SCML4: variants seen among roughly 807,000 people sequenced by gnomAD.
SCML4 encodes the protein Scm polycomb group protein like 4.
A neutral mutation model predicts 41.1 loss-of-function variants in SCML4; 34 were observed. That is an observed-to-expected ratio of 0.83 (90% CI 0.63 to 1.10). The LOEUF is 1.10. Ranked by LOEUF, SCML4 falls within the 50% of genes least tolerant of loss-of-function variation. The pLI is 0.00. For synonymous variants in SCML4, 214 were observed against 220.9 expected, an observed-to-expected ratio of 0.97 and a Z score of 0.28; for missense variants, 522 against 534.1, an observed-to-expected ratio of 0.98 and a Z score of 0.22.
chr6:107,755,681 A>G (rs1229672126), intron 2 of SCML4: 5 of 1,110,352 alleles, frequency 4.5e-6, no homozygotes, highest in Admixed American at 2.9e-5. Flanking sequence ...AAAAAAAAAA[A>G]GCTGTCTATT....
the SCML4 span, among the ~76,000 whole-genome samples, chr6:107,830,458 G>A: frequency 3.3e-5 from 5 of 152,204 alleles, no homozygotes; most frequent in Non-Finnish European, 7.3e-5. Context: ...GCAGGTGACT[G>A]ACAGCTGGAA....
At chr6:107,782,526 T>C (rs1470407801) in intron 1 of SCML4, among the ~76,000 whole-genome samples, 1 of 152,282 alleles carries the variant, frequency 6.6e-6, no homozygotes, top group Non-Finnish European at 1.5e-5. Flanking sequence ...GGCCCTGGGC[T>C]GTTTCCCTCA....
At chr6:107,757,028 A>G (rs1779170544) in intron 2 of SCML4, among the ~76,000 whole-genome samples, 1 of 152,206 alleles carries the variant, frequency 6.6e-6, no homozygotes. Context: ...CATCCAAGGC[A>G]AGGTCTGTGC....
rs1773797479 is a variant in SCML4, at chr6:107,707,726, C to T, written c.1119+140G>A. On this transcript the variant is annotated intron_variant, in intron 7 of 7. Transcript: ENST00000369020. ...ACCTGTCCCTCTCATCTCTGGCTCC[C>T]TTGAGGGTGCCCCTAGGGCTTAGTT... 33 of 995,070 alleles carry T rather than the reference C, an allele frequency of 3.3e-5. No homozygotes were observed. The South Asian group carries it at 4.7e-4, about 14-fold the overall frequency. 61.6% of individuals were successfully genotyped at this position (995,070 alleles called of 1,614,324 possible). A position where few individuals can be genotyped will look rare whatever the true frequency, so the allele number is the denominator to read the frequency against.
the SCML4 span, among the ~76,000 whole-genome samples, chr6:107,839,185 C>T: frequency 2.0e-5 from 3 of 151,620 alleles, no homozygotes; most frequent in Non-Finnish European, 2.9e-5. Flanking sequence ...CTCACCTATT[C>T]GGGAGGTTGA....
chr6:107,755,586 T>TG lies in SCML4; in HGVS notation c.157-5774dup, dbSNP rs75302347. On this transcript the variant is annotated intron_variant, in intron 2 of 7. Transcript: ENST00000369020. The stretch of plus-strand genomic sequence containing the variant: ...CAGCACAAACCTCTCTCCAGTGGAA[T>TG]GGGGGGGTTCTCTGCCTGTCGCAAC... 4.0e-3 allele frequency: 5,387 copies of TG among 1,342,058 alleles called. 57 individuals carry two copies. The East Asian group carries it at 0.055, about 14-fold the overall frequency. The allele number at this position is 1,342,058 out of a possible 1,614,324, so 83.1% of individuals were successfully genotyped here. A position where few individuals can be genotyped will look rare whatever the true frequency, so the allele number is the denominator to read the frequency against.
At chr6:107,836,968 C>T in the SCML4 span, among the ~76,000 whole-genome samples, 1 of 152,232 alleles carries the variant, frequency 6.6e-6, no homozygotes, top group South Asian at 2.1e-4. Context: ...TAGAGTACTA[C>T]ATTTCTCAAA....
At chr6:107,772,090 T>G in intron 2 of SCML4, 82 bp downstream of exon 2, 2 of 1,241,358 alleles carry the variant, frequency 1.6e-6, no homozygotes, top group Non-Finnish European at 1.1e-6. Context: ...CAACCTCTAG[T>G]GGCATTTTGC....
chr6:107,712,519 T>C (rs546776798), intron 6 of SCML4, among the ~76,000 whole-genome samples: 10 of 152,042 alleles, frequency 6.6e-5, no homozygotes, highest in Non-Finnish European at 1.5e-4. Context: ...CTGTTCCTGG[T>C]ACCTAGGGCT....
intron 5 of SCML4, among the ~76,000 whole-genome samples, chr6:107,738,332 T>C (rs1160127585): frequency 6.6e-6 from 1 of 152,178 alleles, no homozygotes; most frequent in South Asian, 2.1e-4. Flanking sequence ...AGGCTGATTT[T>C]CCCTAAGCAC....
At chr6:107,797,921 A>G (rs1293084748) in intron 1 of SCML4, among the ~76,000 whole-genome samples, 3 of 152,004 alleles carry the variant, frequency 2.0e-5, no homozygotes, top group Non-Finnish European at 1.5e-5. Context: ...GCAGAATTAC[A>G]CTGATGGATT....
chr6:107,759,921 A>G (rs1186630285), intron 2 of SCML4, among the ~76,000 whole-genome samples: 2 of 152,154 alleles, frequency 1.3e-5, no homozygotes, highest in Non-Finnish European at 2.9e-5. Flanking sequence ...CTTAGAGATA[A>G]CAAATGACAC....
Position 107,703,870 on chromosome 6 carries a change from G to A in SCML4, c.*1330C>T, listed in dbSNP as rs1004827928. Among the ~76,000 whole-genome samples the A allele has an allele frequency of 2.6e-5, 4 of 152,232 alleles. No homozygotes were observed. The highest frequency in any genetic ancestry group is 6.5e-5 in the Admixed American group (1 of 15,288). ...AAGAGAATATGCACATGGCAAAGGC[G>A]AATTCATTTTGAAGATATGTTTTCT... is the stretch of plus-strand genomic sequence containing the variant. On this transcript the variant is annotated 3_prime_UTR_variant, in exon 8 of 8. Coordinates refer to ENST00000369020, the MANE Select transcript of SCML4 (RefSeq NM_198081.5).
At chr6:107,705,672 T>C (rs1352832841) in intron 7 of SCML4, among the ~76,000 whole-genome samples, 2 of 152,162 alleles carry the variant, frequency 1.3e-5, no homozygotes, top group Admixed American at 6.5e-5. Context: ...AAAACCGTCA[T>C]CCATTAGAAC....
At chr6:107,767,699 TA>T (rs1368035167) in intron 2 of SCML4, among the ~76,000 whole-genome samples, 1 of 152,170 alleles carries the variant, frequency 6.6e-6, no homozygotes, top group Admixed American at 6.5e-5. Flanking sequence ...TTTCTCCCTT[TA>T]ATAGTGGACT....
At chr6:107,773,589 C>CAAAAAAAAAAAAAAA (rs5878938) in intron 1 of SCML4, among the ~76,000 whole-genome samples, 1 of 76,978 alleles carries the variant, frequency 1.3e-5, no homozygotes, top group African/African-American at 4.8e-5. Flanking sequence ...AAGACTGTCT[C>CAAAAAAAAAAAAAAA]AAAAAAAAAA....
rs1044199490 is a variant in SCML4, at chr6:107,703,212, C to T, written c.*1988G>A. On this transcript the variant is annotated 3_prime_UTR_variant, in exon 8 of 8. Coordinates refer to ENST00000369020, the MANE Select transcript of SCML4 (RefSeq NM_198081.5). ...ACTATGGGGTAGCCATTCTTTCCTT[C>T]CTTTACTTTCTTAATAAACTTGCTT... 1.4e-4 allele frequency among the ~76,000 whole-genome samples: 21 copies of T among 152,184 alleles called. No homozygotes were observed. Among genetic ancestry groups the T allele is most frequent in the African/African-American group, 5.1e-4 (21 of 41,448 alleles).
At chr6:107,705,521 T>C (rs1002155507) in intron 7 of SCML4, among the ~76,000 whole-genome samples, 196 bp from the exon 8 acceptor site, 4 of 152,108 alleles carry the variant, frequency 2.6e-5, no homozygotes, top group Non-Finnish European at 5.9e-5. Context: ...CTCCCCATCA[T>C]CTCCCTGGAG....
At position 107,708,030 on chromosome 6, in the gene SCML4, G is replaced by GGGAGACCATGAGCCAGTGGGACA. The variant is rs924247118; in HGVS notation, c.974-42_974-20dup. 1.9e-6 allele frequency: 3 copies of GGGAGACCATGAGCCAGTGGGACA among 1,548,360 alleles called. No individual in the cohort carries two copies. The African/African-American group carries it at 4.1e-5, about 21-fold the overall frequency. ...CTTGAGGCTGGATGGGGCACAGAGA[G>GGGAGACCATGAGCCAGTGGGACA]GGAGACCATGAGCCAGTGGGACAGG... is the stretch of plus-strand genomic sequence containing the variant. On this transcript the variant is annotated intron_variant, in intron 6 of 7. Transcript: ENST00000369020.
Sources: gnomAD v4.1 joint callset for allele counts (sites outside exome capture counted in the v4.1 genomes callset) on GRCh38, gnomAD v4.1.1 for gene constraint, MANE v1.5 for transcripts, NCBI Gene and HGNC (gene_info 2026-07-23, HGNC 2026-07-21) for gene names.